Variants in TRIP11 observed in about 807,000 individuals in gnomAD.
TRIP11 encodes thyroid hormone receptor interactor 11.
TRIP11 carries 148 observed loss-of-function variants against 223.1 expected under a neutral mutation model. The ratio of observed to expected loss-of-function variants is 0.66; its 90% CI spans 0.58 to 0.76. The LOEUF (loss-of-function observed/expected upper bound fraction) is 0.76. Ranked by LOEUF, TRIP11 falls within the 30% of genes least tolerant of loss-of-function variation. The pLI is 0.00. For missense variants in TRIP11, 2,043 were observed against 2,222.0 expected (o/e 0.92, Z 1.62); for synonymous variants, 762 against 772.6 (o/e 0.99, Z 0.23).
chr14:92,028,285 C>A (rs540330667), intron 2 of TRIP11, among the ~76,000 whole-genome samples: 3 of 152,130 alleles, frequency 2.0e-5, no homozygotes, highest in Admixed American at 1.3e-4. Flanking sequence ...AAGGGCTAGG[C>A]GTGGTGGCTC....
rs1435638163 is a variant in TRIP11, at chr14:92,015,722, T to G, written c.797A>C (p.Glu266Ala). The stretch of plus-strand genomic sequence containing the variant: ...TTGTTGTAACAGATTTTCAAGTTCT[T>G]CAATTCGTTCTTCATAGTCACTTAA... The part of the protein sequence containing the change: ...EELSDYEERI[E>A]ELENLLQQGG... Residue 266 changes from glutamate to alanine, a missense_variant, in exon 6 of 21, where the codon GAA becomes GCA. Glu to Ala is a moderately radical substitution (Grantham distance 107). Coordinates refer to ENST00000267622, the MANE Select transcript of TRIP11 (RefSeq NM_004239.4). 6.2e-7 allele frequency: 1 copy of G among 1,611,486 alleles called. No individual in the cohort carries two copies. Among genetic ancestry groups the G allele is most frequent in the Non-Finnish European group, 8.5e-7 (1 of 1,179,204 alleles).
At chr14:92,001,469 T>TA (rs750638107) in intron 11 of TRIP11, among the ~76,000 whole-genome samples, 10 of 151,670 alleles carry the variant, frequency 6.6e-5, no homozygotes, top group Admixed American at 5.3e-4. Flanking sequence ...CTTTTCTCCC[T>TA]AAAAAAAGAT....
At chr14:91,987,621 A>G (rs1421777205) in intron 16 of TRIP11, among the ~76,000 whole-genome samples, 1 of 152,156 alleles carries the variant, frequency 6.6e-6, no homozygotes. Flanking sequence ...ATTACCTACT[A>G]AATGCAGCCC....
At chr14:92,007,557 TATTA>T (rs986934787) in intron 10 of TRIP11, 79 bp downstream of exon 10, 1 of 1,457,074 alleles carries the variant, frequency 6.9e-7, no homozygotes, top group African/African-American at 1.4e-5. Context: ...TGAACTAAAA[TATTA>T]ATTAAATCAC....
At position 92,029,579 on chromosome 14, in the gene TRIP11, T is replaced by C. The variant is rs887238224; in HGVS notation, c.201+3613A>G. ...AAAGTTTACAGGCATGAGCCTGTAA[T>C]CATGGATTACAGGCGTGAGCCACCA... On this transcript the variant is annotated intron_variant, in intron 2 of 20. Coordinates refer to ENST00000267622, the MANE Select transcript of TRIP11 (RefSeq NM_004239.4). Among the ~76,000 whole-genome samples, 3 of 152,240 alleles carry C rather than the reference T, an allele frequency of 2.0e-5. No individual in the cohort carries two copies. The East Asian group carries it at 5.8e-4, about 29-fold the overall frequency.
At chr14:91,996,239 A>C (rs1231903672) in intron 13 of TRIP11, among the ~76,000 whole-genome samples, 1 of 152,242 alleles carries the variant, frequency 6.6e-6, no homozygotes, top group Non-Finnish European at 1.5e-5. Flanking sequence ...AATTCAAGTT[A>C]AATTTCAAAG....
At chr14:91,989,004 TATA>T (rs1199788940) in intron 15 of TRIP11, among the ~76,000 whole-genome samples, 1 of 152,256 alleles carries the variant, frequency 6.6e-6, no homozygotes, top group Non-Finnish European at 1.5e-5. Flanking sequence ...CTACTGACTC[TATA>T]ATATCTTTTG....
At chr14:91,987,725 A>G (rs572362832) in intron 16 of TRIP11, among the ~76,000 whole-genome samples, 35 of 152,192 alleles carry the variant, frequency 2.3e-4, no homozygotes, top group Non-Finnish European at 4.7e-4. Context: ...AAGCCCTGTA[A>G]GCCACCTGAT....
At chr14:92,014,806 T>C (rs975438396) in intron 6 of TRIP11, among the ~76,000 whole-genome samples, 1 of 152,154 alleles carries the variant, frequency 6.6e-6, no homozygotes, top group Non-Finnish European at 1.5e-5. Flanking sequence ...ATATCTCTAA[T>C]CATTTATTAC....
chr14:92,035,276 G>A (rs552979366), intron 1 of TRIP11, among the ~76,000 whole-genome samples: 129 of 151,920 alleles, frequency 8.5e-4, no homozygotes, highest in African/African-American at 2.8e-3. Context: ...AGCCAAGATC[G>A]TGCCACTGCA....
chr14:91,974,459 G>A (rs571941056), intron 19 of TRIP11, among the ~76,000 whole-genome samples, 168 bp downstream of exon 19: 74 of 152,168 alleles, frequency 4.9e-4, no homozygotes, highest in African/African-American at 1.5e-3. Flanking sequence ...TATGAAAACT[G>A]GCTTGTTATC....
chr14:92,025,663 G>A (rs1036094114), intron 2 of TRIP11, among the ~76,000 whole-genome samples: 1 of 152,060 alleles, frequency 6.6e-6, no homozygotes, highest in Non-Finnish European at 1.5e-5. Flanking sequence ...CAGATCATGA[G>A]GTCAGGAGAT....
At chr14:91,993,462 G>A (rs1595378169) in intron 15 of TRIP11, among the ~76,000 whole-genome samples, 1 of 129,794 alleles carries the variant, frequency 7.7e-6, no homozygotes. Context: ...GGTAACAAGA[G>A]TGAAACTCGG....
At chr14:92,018,356 G>A (rs2057063054) in intron 4 of TRIP11, among the ~76,000 whole-genome samples, 1 of 151,998 alleles carries the variant, frequency 6.6e-6, no homozygotes, top group Non-Finnish European at 1.5e-5. Flanking sequence ...CTCCCAAAGT[G>A]CTGGGATTAG....
At chr14:92,011,614 T>C (rs2056974763) in intron 8 of TRIP11, 141 bp downstream of exon 8, 2 of 684,074 alleles carry the variant, frequency 2.9e-6, no homozygotes, top group Non-Finnish European at 4.8e-6. Context: ...TATAAAAATA[T>C]ATTTACAAAA....
intron 1 of TRIP11, among the ~76,000 whole-genome samples, chr14:92,034,964 G>A (rs983178680): frequency 2.0e-5 from 3 of 151,702 alleles, no homozygotes; most frequent in African/African-American, 7.3e-5. Flanking sequence ...TTTAAAAGTA[G>A]AGTGAGAGCC....
At chr14:91,994,332 C>G (rs1240336094) in intron 14 of TRIP11, among the ~76,000 whole-genome samples, 1 of 148,642 alleles carries the variant, frequency 6.7e-6, no homozygotes, top group African/African-American at 2.5e-5. Context: ...GTCATCTCGG[C>G]TCACTCACTG....
intron 3 of TRIP11, among the ~76,000 whole-genome samples, chr14:92,023,113 T>C (rs2057134974): frequency 6.6e-6 from 1 of 152,232 alleles, no homozygotes; most frequent in Admixed American, 6.5e-5. Flanking sequence ...TAATAACAGA[T>C]ATTTCCAAAC....
At chr14:91,980,990 T>TTATATATATA (rs200939525) in intron 16 of TRIP11, among the ~76,000 whole-genome samples, 4 of 75,352 alleles carry the variant, frequency 5.3e-5, no homozygotes, top group African/African-American at 2.1e-4. Context: ...TATATGTATA[T>TTATATATATA]TATATATATA....
Sources: gnomAD v4.1 joint callset for allele counts (sites outside exome capture counted in the v4.1 genomes callset) on GRCh38, gnomAD v4.1.1 for gene constraint, MANE v1.5 for transcripts, NCBI Gene and HGNC (gene_info 2026-07-23, HGNC 2026-07-21) for gene names.